KLHL7: variants seen among roughly 807,000 people sequenced by gnomAD.
The protein encoded by KLHL7 is kelch-like protein 7.
A neutral mutation model predicts 67.4 loss-of-function variants in KLHL7; 44 were observed. The ratio of observed to expected loss-of-function variants is 0.65; its 90% CI spans 0.51 to 0.84. The LOEUF is 0.84. Among genes scored for constraint, KLHL7 ranks in the 40% least tolerant of loss-of-function variants. The pLI is 0.00. For missense variants in KLHL7, 362 were observed against 718.1 expected (o/e 0.50, Z 5.67); for synonymous variants, 252 against 243.3 (o/e 1.04, Z -0.33).
At chr7:23,138,702 T>A (rs1784074562) in intron 4 of KLHL7, among the ~76,000 whole-genome samples, 1 of 151,540 alleles carries the variant, frequency 6.6e-6, no homozygotes, top group Non-Finnish European at 1.5e-5. Flanking sequence ...CACACTCAGC[T>A]GATTTTTGTA....
At chr7:23,125,749 A>G (rs1301117322) in intron 4 of KLHL7, 12 of 1,480,472 alleles carry the variant, frequency 8.1e-6, no homozygotes, top group Non-Finnish European at 1.1e-5. Flanking sequence ...AGTATTTTCT[A>G]TTTTGTGATA....
chr7:23,118,013 G>A (rs371698611), intron 1 of KLHL7: 5 of 1,607,848 alleles, frequency 3.1e-6, no homozygotes, highest in Non-Finnish European at 3.4e-6. Flanking sequence ...AGAATAGAAC[G>A]TGGGGCAGTT....
chr7:23,155,237 A>G (rs537235785), intron 7 of KLHL7, among the ~76,000 whole-genome samples: 2 of 152,170 alleles, frequency 1.3e-5, no homozygotes, highest in East Asian at 3.8e-4. Context: ...TCCAATAAGC[A>G]CAGTGTCCTC....
At chr7:23,132,230 G>A (rs1401326231) in intron 4 of KLHL7, among the ~76,000 whole-genome samples, 1 of 152,140 alleles carries the variant, frequency 6.6e-6, no homozygotes, top group Non-Finnish European at 1.5e-5. Flanking sequence ...AAACCTCCAA[G>A]CTATTCTCCA....
chr7:23,109,562 T>A (rs776756328), intron 1 of KLHL7, among the ~76,000 whole-genome samples: 7 of 152,236 alleles, frequency 4.6e-5, no homozygotes, highest in Non-Finnish European at 1.0e-4. Context: ...GAGAGTTATG[T>A]GAGAGAACTA....
chr7:23,160,658 G>A (rs1237862417), intron 7 of KLHL7, among the ~76,000 whole-genome samples: 1 of 152,134 alleles, frequency 6.6e-6, no homozygotes, highest in Non-Finnish European at 1.5e-5. Flanking sequence ...CCCAACTGTG[G>A]AAGCTACTGA....
At chr7:23,167,568 T>G (rs1216580918) in intron 8 of KLHL7, among the ~76,000 whole-genome samples, 1 of 152,236 alleles carries the variant, frequency 6.6e-6, no homozygotes, top group African/African-American at 2.4e-5. Context: ...ATTTTTCTTT[T>G]GAAATCAAAT....
intron 9 of KLHL7, chr7:23,168,242 T>TG: frequency 1.7e-6 from 1 of 583,428 alleles, no homozygotes; most frequent in East Asian, 2.9e-5. Flanking sequence ...TTACACCCCA[T>TG]GGGAACCTCT....
chr7:23,106,226 G>A, intron 1 of KLHL7, 80 bp downstream of exon 1: 2 of 1,562,070 alleles, frequency 1.3e-6, no homozygotes, highest in Non-Finnish European at 1.7e-6. Context: ...GTGGAACCCC[G>A]CGCCCTGTGG....
intron 8 of KLHL7, among the ~76,000 whole-genome samples, 199 bp from the exon 9 acceptor site, chr7:23,167,637 A>G (rs765853270): frequency 1.1e-4 from 17 of 152,182 alleles, no homozygotes; most frequent in Non-Finnish European, 1.9e-4. Context: ...CCTTTTAAGG[A>G]TGTTTTCCAG....
At chr7:23,116,577 T>C (rs1236995433) in intron 1 of KLHL7, among the ~76,000 whole-genome samples, 3 of 152,230 alleles carry the variant, frequency 2.0e-5, no homozygotes, top group African/African-American at 7.2e-5. Flanking sequence ...TTCTTTTTCT[T>C]TTCCTTATGA....
intron 1 of KLHL7, among the ~76,000 whole-genome samples, chr7:23,115,292 CATT>C (rs973390360): frequency 6.6e-6 from 1 of 152,188 alleles, no homozygotes; most frequent in African/African-American, 2.4e-5. Context: ...TCCTAACCCA[CATT>C]ATTTTTTGCA....
intron 7 of KLHL7, 72 bp downstream of exon 7, chr7:23,152,281 A>G (rs1784561611): frequency 7.5e-6 from 10 of 1,333,674 alleles, no homozygotes; most frequent in Non-Finnish European, 9.7e-6. Flanking sequence ...CTCACCAACT[A>G]GAAGTAGTAA....
chr7:23,117,646 T>C (rs1004645052), intron 1 of KLHL7, among the ~76,000 whole-genome samples: 4 of 152,206 alleles, frequency 2.6e-5, no homozygotes, highest in African/African-American at 9.6e-5. Flanking sequence ...CTTATTCTAA[T>C]TGTGTATGTG....
chr7:23,156,092 C>A, intron 7 of KLHL7: 1 of 387,634 alleles, frequency 2.6e-6, no homozygotes, highest in Non-Finnish European at 5.2e-6. Flanking sequence ...TGAGTCATTC[C>A]TAATTGCACT....
chr7:23,125,359 G>C (rs2128460525), intron 4 of KLHL7, 187 bp downstream of exon 4: 1 of 597,358 alleles, frequency 1.7e-6, no homozygotes, highest in Admixed American at 3.2e-5. Context: ...GCAGCAGCAA[G>C]CTTATTAAAT....
intron 4 of KLHL7, among the ~76,000 whole-genome samples, chr7:23,137,403 T>C (rs566417557): frequency 5.9e-5 from 9 of 151,710 alleles, no homozygotes; most frequent in Admixed American, 2.6e-4. Flanking sequence ...TTAACAAGTC[T>C]TATCAAGAAG....
intron 4 of KLHL7, among the ~76,000 whole-genome samples, chr7:23,127,765 TC>T (rs1783628469): frequency 6.6e-6 from 1 of 151,976 alleles, no homozygotes; most frequent in Non-Finnish European, 1.5e-5. Context: ...TCCCAGCTAC[TC>T]CGGAGGCCGA....
chr7:23,132,465 A>C (rs933467330), intron 4 of KLHL7, among the ~76,000 whole-genome samples: 1 of 152,156 alleles, frequency 6.6e-6, no homozygotes, highest in Non-Finnish European at 1.5e-5. Flanking sequence ...AGAAATATCT[A>C]TTCAAATCTT....
Sources: allele counts gnomAD v4.1 joint callset (sites outside exome capture counted in the v4.1 genomes callset), GRCh38; gene constraint gnomAD v4.1.1; transcripts MANE v1.5; gene names NCBI Gene and HGNC (gene_info 2026-07-23, HGNC 2026-07-21).